Variants in XYLT1 observed in about 807,000 individuals in gnomAD.
XYLT1 encodes the protein beta-D-xylosyltransferase 1.
A neutral mutation model predicts 91.3 loss-of-function variants in XYLT1; 36 were observed. The observed-to-expected ratio is 0.39, with a 90% CI of 0.30 to 0.52. The LOEUF is 0.52. XYLT1 is among the 20% of genes least tolerant of loss of function. XYLT1 has a pLI of 0.68. For missense variants in XYLT1, 1,242 were observed against 1,284.5 expected, an observed-to-expected ratio of 0.97 and a Z score of 0.51; for synonymous variants, 588 against 532.0, an observed-to-expected ratio of 1.11 and a Z score of -1.45.
chr16:17,314,359 T>C (rs1362722055), intron 2 of XYLT1, among the ~76,000 whole-genome samples: 1 of 152,086 alleles, frequency 6.6e-6, no homozygotes, highest in Non-Finnish European at 1.5e-5. Context: ...GAAAAGTGCT[T>C]AGTCAGCCCA....
chr16:17,365,704 C>G (rs2035446648), intron 1 of XYLT1, among the ~76,000 whole-genome samples: 1 of 152,188 alleles, frequency 6.6e-6, no homozygotes, highest in African/African-American at 2.4e-5. Context: ...CAGAAATGAG[C>G]AGTAGAACCT....
chr16:17,129,286 G>T (rs567798705), intron 9 of XYLT1, among the ~76,000 whole-genome samples: 1 of 152,184 alleles, frequency 6.6e-6, no homozygotes, highest in East Asian at 1.9e-4. Flanking sequence ...TTTTGAGGCA[G>T]AGTCTCACTC....
chr16:17,250,620 C>T (rs1207505604), intron 3 of XYLT1: 1 of 152,332 alleles, frequency 6.6e-6, no homozygotes, highest in East Asian at 1.9e-4. Context: ...AATGGGTCTT[C>T]TGATGTTCTC....
chr16:17,441,586 G>C (rs2036532868), intron 1 of XYLT1, among the ~76,000 whole-genome samples: 1 of 152,110 alleles, frequency 6.6e-6, no homozygotes, highest in Non-Finnish European at 1.5e-5. Context: ...CTGGCCTCAA[G>C]GGAATTGGGA....
chr16:17,183,325 C>T (rs1262302798), intron 5 of XYLT1, among the ~76,000 whole-genome samples: 3 of 152,204 alleles, frequency 2.0e-5, no homozygotes, highest in Non-Finnish European at 4.4e-5. Context: ...ACGTGGACAA[C>T]TCTGCCTCCT....
intron 1 of XYLT1, among the ~76,000 whole-genome samples, chr16:17,434,666 G>A (rs183251711): frequency 1.3e-5 from 2 of 152,232 alleles, no homozygotes; most frequent in East Asian, 3.9e-4. Flanking sequence ...AGACCAGCCT[G>A]GGTAACATAG....
At chr16:17,336,522 G>A (rs2034981080) in intron 2 of XYLT1, among the ~76,000 whole-genome samples, 2 of 152,276 alleles carry the variant, frequency 1.3e-5, no homozygotes, top group African/African-American at 2.4e-5. Context: ...GTGTGGTTGC[G>A]GGTGTGGGTA....
At position 17,236,432 on chromosome 16, in the gene XYLT1, C is replaced by CAAAA. The variant is rs113892095; in HGVS notation, c.913+22552_913+22555dup. ...AGTATCACAACTGAAATGGAGAGTA[C>CAAAA]AAAAAAAAAAAAAAGGCTGGACTTG... On this transcript the variant is annotated intron_variant, in intron 3 of 11. Transcript: ENST00000261381. Among the ~76,000 whole-genome samples, 279 of 100,652 alleles carry CAAAA rather than the reference C, an allele frequency of 2.8e-3. 1 individual carries two copies. The highest frequency in any genetic ancestry group is 9.2e-3 in the African/African-American group (271 of 29,328). The allele number at this position is 100,652 out of a possible 152,430, so 66.0% of individuals were successfully genotyped here. A position where few individuals can be genotyped will look rare whatever the true frequency, so the allele number is the denominator to read the frequency against.
At chr16:17,416,244 T>G (rs2036178486) in intron 1 of XYLT1, among the ~76,000 whole-genome samples, 1 of 152,208 alleles carries the variant, frequency 6.6e-6, no homozygotes, top group Non-Finnish European at 1.5e-5. Context: ...CCCACATCCC[T>G]TCCGGGATAA....
chr16:17,387,214 C>T (rs540510988), intron 1 of XYLT1, among the ~76,000 whole-genome samples: 1 of 152,316 alleles, frequency 6.6e-6, no homozygotes, highest in South Asian at 2.1e-4. Flanking sequence ...ATCTGTACCT[C>T]CCTATGCACA....
intron 1 of XYLT1, among the ~76,000 whole-genome samples, chr16:17,362,728 T>C (rs2035400957): frequency 6.6e-6 from 1 of 152,260 alleles, no homozygotes; most frequent in South Asian, 2.1e-4. Flanking sequence ...AGCCCTGAGC[T>C]AAGCCTCAGC....
chr16:17,301,393 C>A (rs150530578), intron 2 of XYLT1, among the ~76,000 whole-genome samples: 1 of 152,000 alleles, frequency 6.6e-6, no homozygotes, highest in Non-Finnish European at 1.5e-5. Flanking sequence ...CTGGGCAACA[C>A]AACACAACTC....
At chr16:17,344,251 G>C (rs1373994178) in intron 2 of XYLT1, among the ~76,000 whole-genome samples, 2 of 151,696 alleles carry the variant, frequency 1.3e-5, no homozygotes, top group Non-Finnish European at 2.9e-5. Flanking sequence ...GGGAGGCCAA[G>C]GCGGGCGGAT....
intron 2 of XYLT1, among the ~76,000 whole-genome samples, chr16:17,260,214 C>T (rs2033702830): frequency 6.6e-6 from 1 of 152,088 alleles, no homozygotes; most frequent in Non-Finnish European, 1.5e-5. Flanking sequence ...TTCTGGAGAC[C>T]ACGCATGGCA....
rs537623711 is a variant in XYLT1, at chr16:17,125,638, G to T, written c.2223+2028C>A. Among the ~76,000 whole-genome samples the T allele has an allele frequency of 2.6e-5, 4 of 152,166 alleles. No homozygotes were observed. The East Asian group carries it at 7.7e-4, about 29-fold the overall frequency. On this transcript the variant is annotated intron_variant, in intron 10 of 11. Coordinates refer to ENST00000261381, the MANE Select transcript of XYLT1 (RefSeq NM_022166.4). Reference sequence around the variant, plus strand: ...TCTCCTTAGAAAAGCCTTCCTAGATGAATCAATCATTCTATTGAAGGTTGT... The same window carrying T: ...TCTCCTTAGAAAAGCCTTCCTAGATTAATCAATCATTCTATTGAAGGTTGT...
At chr16:17,133,916 T>A (rs1249693795) in intron 9 of XYLT1, among the ~76,000 whole-genome samples, 1 of 151,924 alleles carries the variant, frequency 6.6e-6, no homozygotes, top group African/African-American at 2.4e-5. Context: ...TTATGGTGAA[T>A]GTTTTTAAAA....
At chr16:17,341,444 C>T (rs549133805) in intron 2 of XYLT1, among the ~76,000 whole-genome samples, 1 of 152,208 alleles carries the variant, frequency 6.6e-6, no homozygotes, top group East Asian at 1.9e-4. Flanking sequence ...AAGCAAGTTA[C>T]CATAAAATAT....
At chr16:17,195,021 A>G (rs1381483951) in intron 5 of XYLT1, among the ~76,000 whole-genome samples, 2 of 152,188 alleles carry the variant, frequency 1.3e-5, no homozygotes, top group Non-Finnish European at 2.9e-5. Flanking sequence ...CAAACGCAAC[A>G]AGTTTGTTTC....
At chr16:17,253,137 G>A (rs2033568980) in intron 3 of XYLT1, among the ~76,000 whole-genome samples, 1 of 152,194 alleles carries the variant, frequency 6.6e-6, no homozygotes, top group African/African-American at 2.4e-5. Context: ...GCTTTCTGCA[G>A]AAGAATAGTT....
Sources: allele counts gnomAD v4.1 joint callset (sites outside exome capture counted in the v4.1 genomes callset), GRCh38; gene constraint gnomAD v4.1.1; transcripts MANE v1.5; gene names NCBI Gene and HGNC (gene_info 2026-07-23, HGNC 2026-07-21).